AKIRIN1: variants seen among roughly 807,000 people sequenced by gnomAD.
AKIRIN1 encodes akirin-1.
A neutral mutation model predicts 25.9 loss-of-function variants in AKIRIN1; 4 were observed. That is an observed-to-expected ratio of 0.15 (90% confidence interval 0.08 to 0.35). The LOEUF (loss-of-function observed/expected upper bound fraction) is 0.35, where lower values mean the gene tolerates loss of function less well. Ranked by LOEUF, AKIRIN1 falls within the 10% of genes least tolerant of loss-of-function variation. AKIRIN1 has a pLI of 1.00. For missense variants in AKIRIN1, 243 were observed against 266.1 expected, an observed-to-expected ratio of 0.91 and a Z score of 0.61; for synonymous variants, 125 against 105.1, an observed-to-expected ratio of 1.19 and a Z score of -1.16.
At chr1:38,996,667 C>CTTG (rs1339456587) in intron 1 of AKIRIN1, among the ~76,000 whole-genome samples, 11 of 152,060 alleles carry the variant, frequency 7.2e-5, no homozygotes, top group Non-Finnish European at 1.6e-4. Flanking sequence ...GTAGCTGGGA[C>CTTG]TACAGGCACG....
In AKIRIN1 at chr1:38,991,499, C is replaced by A. The variant is rs1305256433; in HGVS notation, c.119C>A (p.Pro40His). 3 of 1,451,082 alleles carry A rather than the reference C, an allele frequency of 2.1e-6. No homozygotes were observed. Among genetic ancestry groups the A allele is most frequent in the Admixed American group, 2.5e-5 (1 of 40,324 alleles). The allele number at this position is 1,451,082 out of a possible 1,614,324, so 89.9% of individuals were successfully genotyped here. The change falls in exon 1 of 5, where the codon CCC (proline) becomes CAC (histidine). Residue 40 changes from proline to histidine, a missense_variant. Pro to His is a moderately conservative substitution (Grantham distance 77). Around this residue, in one of 3 missense-constraint regions of AKIRIN1, gnomAD observed 190 missense variants for 174.4 expected, o/e 1.09. Transcript: ENST00000432648. Reference protein sequence around the residue: ...PLPGPTPGLRPPDAEPPPPFQ... With the variant: ...PLPGPTPGLRHPDAEPPPPFQ... ...CCCGGCCCCACTCCGGGCCTCAGGC[C>A]CCCGGACGCCGAGCCGCCGCCGCCG...
chr1:39,003,521 G>A (rs1422023959), intron 4 of AKIRIN1, 103 bp downstream of exon 4: 3 of 1,078,408 alleles, frequency 2.8e-6, no homozygotes, highest in African/African-American at 3.1e-5. Context: ...GAAGTAAAAT[G>A]TGCCCAGCAC....
At chr1:39,000,022 A>G (rs926184873) in intron 2 of AKIRIN1, among the ~76,000 whole-genome samples, 2 of 151,992 alleles carry the variant, frequency 1.3e-5, no homozygotes, top group Admixed American at 6.6e-5. Context: ...AGCTGGGACT[A>G]CAGGCGCCCA....
chr1:39,004,884 A>T lies in AKIRIN1; in HGVS notation c.*829A>T, dbSNP rs1177169001. On this transcript the variant is annotated 3_prime_UTR_variant, in exon 5 of 5. Coordinates refer to ENST00000432648, the MANE Select transcript of AKIRIN1 (RefSeq NM_024595.3). ...CTGAACCTCTAAAGGGAAAAGGTCTACCCTGGAGCCAGGAGCATCAGGGTT... is the reference window on the plus strand; with the variant it reads ...CTGAACCTCTAAAGGGAAAAGGTCTTCCCTGGAGCCAGGAGCATCAGGGTT... The T allele has an allele frequency of 6.6e-6, 1 of 152,478 alleles. No homozygotes were observed. The highest frequency in any genetic ancestry group is 1.5e-5 in the Non-Finnish European group (1 of 68,180). The allele number at this position is 152,478 out of a possible 1,614,324, so 9.4% of individuals were successfully genotyped here.
chr1:39,005,989 T>C lies in AKIRIN1; in HGVS notation c.*1934T>C, dbSNP rs1644031569. ...CCCAGTTCAACATTGCATTGAAAAT[T>C]TATGGACCTTTAAAAAAAAAAGCCC... On this transcript the variant is annotated 3_prime_UTR_variant, in exon 5 of 5. Coordinates refer to ENST00000432648, the MANE Select transcript of AKIRIN1 (RefSeq NM_024595.3). 1 of 152,138 alleles carries C rather than the reference T, an allele frequency of 6.6e-6. No individual in the cohort carries two copies. Among genetic ancestry groups the C allele is most frequent in the Non-Finnish European group, 1.5e-5 (1 of 68,026 alleles). 9.4% of individuals were successfully genotyped at this position (152,138 alleles called of 1,614,324 possible).
chr1:38,994,708 A>G (rs1454402287), intron 1 of AKIRIN1, among the ~76,000 whole-genome samples: 1 of 25,140 alleles, frequency 4.0e-5, no homozygotes, highest in Admixed American at 5.8e-4. Context: ...TTTTTTTTTG[A>G]GATGACGTTT....
intron 2 of AKIRIN1, 55 bp downstream of exon 2, chr1:38,998,366 T>C (rs563786821): frequency 2.8e-5 from 42 of 1,526,110 alleles, no homozygotes; most frequent in African/African-American, 1.7e-4. Flanking sequence ...ATGGTACTTA[T>C]AATGATGAAT....
chr1:38,997,109 TA>T (rs11453570), intron 1 of AKIRIN1, among the ~76,000 whole-genome samples: 254 of 146,884 alleles, frequency 1.7e-3, no homozygotes, highest in East Asian at 0.01. Context: ...CTCCCACCAT[TA>T]AAAAAAAAAA....
chr1:39,001,090 C>G lies in AKIRIN1; in HGVS notation c.480C>G (p.Leu160=). 1.2e-6 allele frequency: 2 copies of G among 1,611,894 alleles called. No individual in the cohort carries two copies. Among genetic ancestry groups the G allele is most frequent in the Non-Finnish European group, 8.5e-7 (1 of 1,179,148 alleles). ...DKIREEYEQI[L]NTKLAEQYES... ...TTCGGGAGGAGTATGAGCAAATCCTCAATACCAAACTAGCAGGTAGGCCCA... is the reference window on the plus strand; with the variant it reads ...TTCGGGAGGAGTATGAGCAAATCCTGAATACCAAACTAGCAGGTAGGCCCA... The change falls in exon 3 of 5, where the codon CTC becomes CTG. Residue 160 remains leucine (L), a synonymous_variant. Transcript: ENST00000432648.
At position 39,004,287 on chromosome 1, in the gene AKIRIN1, T is replaced by G; in HGVS notation, c.*232T>G. ...AACAGCTGTGCCCTACTGTGATAGA[T>G]TTTCCAAACAAAAATACCTGGAGCA... is the stretch of plus-strand genomic sequence containing the variant. On this transcript the variant is annotated 3_prime_UTR_variant, in exon 5 of 5. Coordinates refer to ENST00000432648, the MANE Select transcript of AKIRIN1 (RefSeq NM_024595.3). The G allele has an allele frequency of 1.5e-6, 1 of 673,412 alleles. No individual in the cohort carries two copies. Among genetic ancestry groups the G allele is most frequent in the Non-Finnish European group, 2.7e-6 (1 of 370,560 alleles). The allele number at this position is 673,412 out of a possible 1,614,324, so 41.7% of individuals were successfully genotyped here.
chr1:38,992,982 C>A (rs1245039645), intron 1 of AKIRIN1, among the ~76,000 whole-genome samples: 3 of 152,144 alleles, frequency 2.0e-5, no homozygotes, highest in African/African-American at 7.2e-5. Context: ...TTAAAGAACC[C>A]TCAAAGACAG....
At chr1:39,000,360 T>C (rs1350525999) in intron 2 of AKIRIN1, among the ~76,000 whole-genome samples, 1 of 129,846 alleles carries the variant, frequency 7.7e-6, no homozygotes, top group Non-Finnish European at 1.7e-5. Context: ...TTTTTTTTTT[T>C]TTGAGTCCGT....
rs1644031054 is a variant in AKIRIN1 at position 39,005,965 on chromosome 1, C to G, written c.*1910C>G. The G allele has an allele frequency of 6.6e-6, 1 of 151,874 alleles. No individual in the cohort carries two copies. Among genetic ancestry groups the G allele is most frequent in the South Asian group, 2.1e-4 (1 of 4,806 alleles). 9.4% of individuals were successfully genotyped at this position (151,874 alleles called of 1,614,324 possible). On this transcript the variant is annotated 3_prime_UTR_variant, in exon 5 of 5. Transcript: ENST00000432648. ...TGTGAGAGCTGCTATAACCATTTCC[C>G]CAGTTCAACATTGCATTGAAAATTT...
chr1:38,999,895 T>G (rs559938164), intron 2 of AKIRIN1, among the ~76,000 whole-genome samples: 42 of 152,106 alleles, frequency 2.8e-4, no homozygotes, highest in South Asian at 1.2e-3. Flanking sequence ...TTTGTTTTTT[T>G]GGGTTTTTCT....
In AKIRIN1 at chr1:39,003,328, A is replaced by G. The variant is rs370819505; in HGVS notation, c.497-19A>G. 1.1e-4 allele frequency: 183 copies of G among 1,609,336 alleles called. 3 individuals are homozygous for G. Among genetic ancestry groups the G allele is most frequent in the Non-Finnish European group, 1.0e-4 (120 of 1,176,382 alleles). On this transcript the variant is annotated intron_variant, in intron 3 of 4. Coordinates refer to ENST00000432648, the MANE Select transcript of AKIRIN1 (RefSeq NM_024595.3). ...TGAGGGAGAGTTGCTGAGGATAAGTATGTACTGTCTTCTCACAGAACAATA... is the reference window on the plus strand; with the variant it reads ...TGAGGGAGAGTTGCTGAGGATAAGTGTGTACTGTCTTCTCACAGAACAATA...
In AKIRIN1 at chr1:39,004,119, A is replaced by G. The variant is rs766200358; in HGVS notation, c.*64A>G. ...GAGATGGCTGCTGTACACTTTTTGC[A>G]ACTGGTTTGATGTCACATTTCAGCT... On this transcript the variant is annotated 3_prime_UTR_variant, in exon 5 of 5. Coordinates refer to ENST00000432648, the MANE Select transcript of AKIRIN1 (RefSeq NM_024595.3). 1.9e-6 allele frequency: 3 copies of G among 1,549,656 alleles called. No homozygotes were observed. The highest frequency in any genetic ancestry group is 1.8e-6 in the Non-Finnish European group (2 of 1,121,582).
In AKIRIN1 at chr1:39,004,147, A is replaced by G. The variant is rs1644015589; in HGVS notation, c.*92A>G. The G allele has an allele frequency of 7.2e-7, 1 of 1,380,502 alleles. No individual in the cohort carries two copies. Among genetic ancestry groups the G allele is most frequent in the African/African-American group, 1.4e-5 (1 of 70,060 alleles). 85.5% of individuals were successfully genotyped at this position (1,380,502 alleles called of 1,614,324 possible). A position where few individuals can be genotyped will look rare whatever the true frequency, so the allele number is the denominator to read the frequency against. On this transcript the variant is annotated 3_prime_UTR_variant, in exon 5 of 5. Transcript: ENST00000432648. ...TGGTTTGATGTCACATTTCAGCTCC[A>G]ACTTTGCATCCTGAGAACACTTAAA...
At chr1:38,992,930 A>C (rs1643920111) in intron 1 of AKIRIN1, among the ~76,000 whole-genome samples, 1 of 152,188 alleles carries the variant, frequency 6.6e-6, no homozygotes, top group Non-Finnish European at 1.5e-5. Flanking sequence ...AATGTTGTAT[A>C]ACCTTATGTA....
chr1:38,994,897 T>G (rs966519882), intron 1 of AKIRIN1, among the ~76,000 whole-genome samples: 10 of 152,006 alleles, frequency 6.6e-5, no homozygotes, highest in Admixed American at 5.9e-4. Context: ...ATCATACTGG[T>G]CAGGCTGGTC....
Sources: allele counts gnomAD v4.1 joint callset (sites outside exome capture counted in the v4.1 genomes callset), GRCh38; gene constraint gnomAD v4.1.1; regional missense constraint gnomAD v4.1.1; transcripts MANE v1.5; gene names NCBI Gene and HGNC (gene_info 2026-07-23, HGNC 2026-07-21).